The following MSI2 variants were observed in gnomAD, a reference collection of about 807,000 sequenced individuals.
MSI2 encodes musashi RNA binding protein 2, also known as RNA-binding protein Musashi homolog 2.
In MSI2, 17 loss-of-function variants were observed where a neutral mutation model predicts 45.6. That is an observed-to-expected ratio of 0.37 (90% CI 0.26 to 0.56). The LOEUF (loss-of-function observed/expected upper bound fraction) is 0.56, where lower values mean the gene tolerates loss of function less well. Ranked by LOEUF, MSI2 falls within the 20% of genes least tolerant of loss-of-function variation. MSI2 has a pLI of 0.77. For synonymous variants in MSI2, 156 were observed against 158.2 expected (o/e 0.99, Z 0.11); for missense variants, 293 against 444.2 (o/e 0.66, Z 3.06).
the MSI2 span, among the ~76,000 whole-genome samples, chr17:57,695,534 C>T: frequency 6.6e-6 from 1 of 152,162 alleles, no homozygotes; most frequent in African/African-American, 2.4e-5. Context: ...AGTCCAGCTC[C>T]TCAGCCTGGA....
chr17:57,256,641 G>T lies in MSI2; in HGVS notation c.-102G>T. On this transcript the variant is annotated 5_prime_UTR_variant, in exon 1 of 14. Coordinates refer to ENST00000284073, the MANE Select transcript of MSI2 (RefSeq NM_138962.4). The stretch of plus-strand genomic sequence containing the variant: ...CCCGGGCGGGGGGGAGGAGGAGGGG[G>T]AGGAGGGAGCGGAGATCTCGGGGCT... 2.0e-6 allele frequency: 1 copy of T among 493,972 alleles called. No homozygotes were observed. Among genetic ancestry groups the T allele is most frequent in the Non-Finnish European group, 3.4e-6 (1 of 295,038 alleles). The allele number at this position is 493,972 out of a possible 1,614,324, so 30.6% of individuals were successfully genotyped here.
chr17:57,421,850 T>G (rs1317670075), intron 6 of MSI2, among the ~76,000 whole-genome samples: 1 of 151,530 alleles, frequency 6.6e-6, no homozygotes, highest in East Asian at 2.0e-4. Context: ...GAGTGAGGCT[T>G]CATCTCAAAA....
At chr17:57,668,065 G>C (rs549658320) in intron 11 of MSI2, among the ~76,000 whole-genome samples, 8 of 152,158 alleles carry the variant, frequency 5.3e-5, no homozygotes, top group Non-Finnish European at 8.8e-5. Context: ...CAGATTTGAT[G>C]CCGCACACCT....
At chr17:57,648,228 T>A (rs1203683839) in intron 10 of MSI2, among the ~76,000 whole-genome samples, 1 of 151,138 alleles carries the variant, frequency 6.6e-6, no homozygotes, top group Non-Finnish European at 1.5e-5. Context: ...GGTCTTGAAC[T>A]CCTGACCTCA....
chr17:57,642,569 C>G (rs1306508165), intron 10 of MSI2, among the ~76,000 whole-genome samples: 5 of 152,196 alleles, frequency 3.3e-5, no homozygotes, highest in African/African-American at 1.2e-4. Flanking sequence ...TTACCATTAG[C>G]CAGTTGTCTC....
chr17:57,382,164 T>C (rs902759258), intron 5 of MSI2, among the ~76,000 whole-genome samples: 1 of 152,198 alleles, frequency 6.6e-6, no homozygotes, highest in Non-Finnish European at 1.5e-5. Flanking sequence ...TAAATATTTA[T>C]TGCATGTCAC....
chr17:57,395,463 G>T (rs1437100420), intron 5 of MSI2, among the ~76,000 whole-genome samples: 1 of 152,202 alleles, frequency 6.6e-6, no homozygotes. Flanking sequence ...AGTAGTTATG[G>T]TAGTGATGAA....
chr17:57,434,875 C>T (rs1292225068), intron 6 of MSI2, among the ~76,000 whole-genome samples: 2 of 151,968 alleles, frequency 1.3e-5, no homozygotes, highest in Non-Finnish European at 2.9e-5. Context: ...TAAGGCCAGC[C>T]AATTTTGATT....
intron 7 of MSI2, among the ~76,000 whole-genome samples, chr17:57,538,196 C>T (rs568597516): frequency 6.6e-6 from 1 of 152,082 alleles, no homozygotes; most frequent in Non-Finnish European, 1.5e-5. Flanking sequence ...AAAAGCACCC[C>T]CTTTCTTAGC....
At chr17:57,452,688 T>A (rs926125002) in intron 6 of MSI2, among the ~76,000 whole-genome samples, 18 of 152,330 alleles carry the variant, frequency 1.2e-4, no homozygotes, top group African/African-American at 4.3e-4. Flanking sequence ...CTGAATTCTC[T>A]CATTTTTGCA....
intron 5 of MSI2, among the ~76,000 whole-genome samples, chr17:57,301,037 C>T (rs1200935696): frequency 3.3e-5 from 5 of 152,204 alleles, no homozygotes; most frequent in Non-Finnish European, 4.4e-5. Flanking sequence ...TGTTTCTTCT[C>T]TGGGAGAGGC....
At chr17:57,548,181 C>A (rs2087215497) in intron 7 of MSI2, among the ~76,000 whole-genome samples, 1 of 152,156 alleles carries the variant, frequency 6.6e-6, no homozygotes, top group Non-Finnish European at 1.5e-5. Context: ...GGTCCAAAGC[C>A]CTGACCACTC....
chr17:57,390,208 T>C (rs1245668144), intron 5 of MSI2, among the ~76,000 whole-genome samples: 1 of 152,212 alleles, frequency 6.6e-6, no homozygotes, highest in Non-Finnish European at 1.5e-5. Context: ...TGAGCTATAG[T>C]CATGCCACTG....
rs1342749820 is a variant in MSI2 at position 57,377,224 on chromosome 17, A to G, written c.313-24155A>G. Among the ~76,000 whole-genome samples, 4 of 152,240 alleles carry G rather than the reference A, an allele frequency of 2.6e-5. No individual in the cohort carries two copies. In the East Asian group the frequency reaches 5.8e-4, roughly 22 times the overall value. On this transcript the variant is annotated intron_variant, in intron 5 of 13. Transcript: ENST00000284073. The stretch of plus-strand genomic sequence containing the variant: ...CGTGAGCCACCGTGCCCGGCCCACA[A>G]ATACTTTTTTAACCTACTTGGGATA...
intron 5 of MSI2, among the ~76,000 whole-genome samples, chr17:57,282,420 A>G (rs574080868): frequency 2.0e-5 from 3 of 152,318 alleles, no homozygotes; most frequent in South Asian, 2.1e-4. Context: ...CCCCTGCTGT[A>G]TAATAAATCT....
chr17:57,259,224 C>G (rs1211657688), intron 4 of MSI2, among the ~76,000 whole-genome samples: 3 of 152,004 alleles, frequency 2.0e-5, no homozygotes, highest in African/African-American at 7.3e-5. Flanking sequence ...ATATATCTGC[C>G]CCAAACAGAG....
At chr17:57,318,343 T>C (rs916546941) in intron 5 of MSI2, among the ~76,000 whole-genome samples, 8 of 152,030 alleles carry the variant, frequency 5.3e-5, no homozygotes, top group African/African-American at 1.9e-4. Context: ...TTTCCCCCAT[T>C]CCGGATTCTT....
intron 10 of MSI2, chr17:57,628,897 G>GT (rs2144612362): frequency 6.5e-6 from 1 of 152,786 alleles, no homozygotes; most frequent in Admixed American, 6.5e-5. Flanking sequence ...ACCACCACAA[G>GT]AGAGGCCAGC....
At chr17:57,631,798 G>A (rs1909392757) in intron 10 of MSI2, 3 of 1,612,870 alleles carry the variant, frequency 1.9e-6, no homozygotes, top group African/African-American at 1.3e-5. Flanking sequence ...CAGACTATTT[G>A]CCGGTTTCAC....
Sources: allele counts gnomAD v4.1 joint callset (sites outside exome capture counted in the v4.1 genomes callset), GRCh38; gene constraint gnomAD v4.1.1; transcripts MANE v1.5; gene names NCBI Gene and HGNC (gene_info 2026-07-23, HGNC 2026-07-21).